Variants in SOX5 observed in about 807,000 individuals in gnomAD.
The protein encoded by SOX5 is transcription factor SOX-5.
A neutral mutation model predicts 92.0 loss-of-function variants in SOX5; 9 were observed. That is an observed-to-expected ratio of 0.10 (90% CI 0.06 to 0.17). SOX5 has a LOEUF of 0.17. Among genes scored for constraint, SOX5 ranks in the 10% least tolerant of loss-of-function variants. SOX5 has a pLI of 1.00. For missense variants in SOX5, 642 were observed against 944.5 expected, an observed-to-expected ratio of 0.68 and a Z score of 4.20; for synonymous variants, 344 against 336.3, an observed-to-expected ratio of 1.02 and a Z score of -0.25.
At position 24,293,188 on chromosome 12, in the gene SOX5, A is replaced by G. The variant is rs115078789; in HGVS notation, c.-173-15876T>C. Among the ~76,000 whole-genome samples the G allele has an allele frequency of 2.5e-3, 387 of 152,344 alleles. 5 individuals carry two copies. The highest frequency in any genetic ancestry group is 8.8e-3 in the African/African-American group (365 of 41,584). On this transcript the variant is annotated intron_variant, in intron 2 of 4. Coordinates refer to the SOX5 transcript ENST00000446891. ...GCCACATCACCTCAACACTATAGCT[A>G]TAAGGTGATATGTGATGGAAGGAGA...
intron 3 of SOX5, among the ~76,000 whole-genome samples, chr12:23,759,030 G>GACACACACACACACACAC (rs61575999): frequency 4.7e-4 from 69 of 146,322 alleles, no homozygotes; most frequent in African/African-American, 1.8e-3. Context: ...CACACACACA[G>GACACACACACACACACAC]ACACACACAC....
chr12:24,000,580 T>A (rs774691693), intron 4 of SOX5, among the ~76,000 whole-genome samples: 1 of 152,020 alleles, frequency 6.6e-6, no homozygotes, highest in Non-Finnish European at 1.5e-5. Flanking sequence ...GTATAGTAAG[T>A]AAAGGAATTA....
chr12:24,092,070 A>G (rs1306000546), intron 4 of SOX5, among the ~76,000 whole-genome samples: 1 of 152,176 alleles, frequency 6.6e-6, no homozygotes, highest in African/African-American at 2.4e-5. Context: ...CAGTGAGCCA[A>G]ATTGAACTCC....
At chr12:23,946,226 T>C (rs1023642495) in intron 1 of SOX5, among the ~76,000 whole-genome samples, 9 of 152,088 alleles carry the variant, frequency 5.9e-5, no homozygotes, top group Non-Finnish European at 1.3e-4. Context: ...ATCAAATAGG[T>C]GATACTAACA....
intron 4 of SOX5, among the ~76,000 whole-genome samples, chr12:24,026,569 G>A (rs1466045409): frequency 1.4e-5 from 2 of 143,318 alleles, no homozygotes; most frequent in African/African-American, 5.2e-5. Context: ...GGGCGACAAG[G>A]CAAAACCCTG....
intron 4 of SOX5, among the ~76,000 whole-genome samples, chr12:23,997,453 C>T (rs898387517): frequency 6.6e-6 from 1 of 152,158 alleles, no homozygotes; most frequent in Non-Finnish European, 1.5e-5. Context: ...GACCTGCCTA[C>T]AGTCAGAAAT....
intron 8 of SOX5, among the ~76,000 whole-genome samples, chr12:23,605,108 G>T (rs1187276860): frequency 6.6e-6 from 1 of 152,096 alleles, no homozygotes; most frequent in East Asian, 1.9e-4. Context: ...CTTGCCAGAA[G>T]TTCACTTTAC....
intron 2 of SOX5, among the ~76,000 whole-genome samples, chr12:24,300,727 G>C (rs188239828): frequency 1.3e-5 from 2 of 152,232 alleles, no homozygotes; most frequent in Admixed American, 1.3e-4. Context: ...CCTATTCACA[G>C]AGGCCCCAAT....
chr12:23,887,283 C>T (rs1266086089), intron 2 of SOX5, among the ~76,000 whole-genome samples: 1 of 151,968 alleles, frequency 6.6e-6, no homozygotes, highest in Non-Finnish European at 1.5e-5. Flanking sequence ...AATAATGGCT[C>T]TATTGAGATC....
chr12:23,667,593 C>T (rs61925674), intron 6 of SOX5, among the ~76,000 whole-genome samples: 2,863 of 152,150 alleles, frequency 0.019, 49 homozygotes, highest in Non-Finnish European at 0.029. Flanking sequence ...CTAGCTTGGC[C>T]CAATAAATTG....
At chr12:23,937,696 T>C (rs1211098841) in intron 1 of SOX5, among the ~76,000 whole-genome samples, 1 of 150,922 alleles carries the variant, frequency 6.6e-6, no homozygotes, top group African/African-American at 2.4e-5. Flanking sequence ...CACTAAGACC[T>C]ACTTTATTAG....
At chr12:24,014,309 T>A (rs973833986) in intron 4 of SOX5, among the ~76,000 whole-genome samples, 2 of 152,190 alleles carry the variant, frequency 1.3e-5, no homozygotes, top group Admixed American at 6.5e-5. Flanking sequence ...TCATTATGCA[T>A]GACGGCATAC....
chr12:23,581,895 T>A (rs189207935), intron 9 of SOX5, among the ~76,000 whole-genome samples: 17,513 of 142,438 alleles, frequency 0.12, 1,050 homozygotes, highest in African/African-American at 0.16. Flanking sequence ...ATTGAAAAAA[T>A]ATATATATAT....
At chr12:23,631,035 T>C (rs1200547185) in intron 8 of SOX5, among the ~76,000 whole-genome samples, 1 of 152,040 alleles carries the variant, frequency 6.6e-6, no homozygotes, top group East Asian at 1.9e-4. Flanking sequence ...TGTTACAAGT[T>C]GTATGTAATG....
chr12:23,886,004 G>C (rs1264174430), intron 2 of SOX5, among the ~76,000 whole-genome samples: 1 of 152,030 alleles, frequency 6.6e-6, no homozygotes, highest in Non-Finnish European at 1.5e-5. Flanking sequence ...AGAAAGGAAA[G>C]GGTTTAGATA....
At chr12:23,548,377 C>T (rs1419167612) in intron 11 of SOX5, among the ~76,000 whole-genome samples, 1 of 151,960 alleles carries the variant, frequency 6.6e-6, no homozygotes, top group Non-Finnish European at 1.5e-5. Context: ...AATTATCCAC[C>T]ACTAATGCAC....
At chr12:24,471,708 G>C (rs1944840983) in intron 1 of SOX5, among the ~76,000 whole-genome samples, 1 of 152,104 alleles carries the variant, frequency 6.6e-6, no homozygotes, top group Non-Finnish European at 1.5e-5. Context: ...TACTAATGGA[G>C]CAAGTAAGCA....
chr12:24,553,389 C>A (rs1218742930), intron 1 of SOX5, among the ~76,000 whole-genome samples: 1 of 152,162 alleles, frequency 6.6e-6, no homozygotes, highest in Non-Finnish European at 1.5e-5. Context: ...GCATCTAGCA[C>A]CCCTCCTGGA....
chr12:23,576,726 A>G (rs1428829819), intron 9 of SOX5, among the ~76,000 whole-genome samples: 1 of 152,146 alleles, frequency 6.6e-6, no homozygotes, highest in African/African-American at 2.4e-5. Flanking sequence ...TAAAATTTAT[A>G]TTACATCATA....
Sources: allele counts gnomAD v4.1 joint callset (sites outside exome capture counted in the v4.1 genomes callset), GRCh38; gene constraint gnomAD v4.1.1; transcripts MANE v1.5; gene names NCBI Gene and HGNC (gene_info 2026-07-23, HGNC 2026-07-21).